Variants in PTPRQ observed in about 807,000 individuals in gnomAD.
The protein encoded by PTPRQ is protein tyrosine phosphatase receptor type Q.
In PTPRQ, 199 loss-of-function variants were observed where a neutral mutation model predicts 246.0. That is an observed-to-expected ratio of 0.81 (90% CI 0.72 to 0.91). The LOEUF is 0.91. Ranked by LOEUF, PTPRQ falls within the 40% of genes least tolerant of loss-of-function variation. The probability of loss-of-function intolerance (pLI) is 0.00; values close to 1 mark genes in which losing one functional copy is unlikely to be tolerated. For missense variants in PTPRQ, 2,624 were observed against 2,528.4 expected (o/e 1.04, Z -0.81); for synonymous variants, 869 against 853.2 (o/e 1.02, Z -0.32).
rs78918415 is a variant in PTPRQ at position 80,601,653 on chromosome 12, A to T, written c.4610-3406A>T. ...TACAGAGCTGGAAGTCAAATTTTTCAAATAACATTAATAATAAGGGAGCCT... is the reference window on the plus strand; with the variant it reads ...TACAGAGCTGGAAGTCAAATTTTTCTAATAACATTAATAATAAGGGAGCCT... On this transcript the variant is annotated intron_variant, in intron 26 of 44. Transcript: ENST00000644991. 4.7e-3 allele frequency among the ~76,000 whole-genome samples: 713 copies of T among 151,928 alleles called. 24 individuals carry two copies. In the East Asian group the frequency reaches 0.092, roughly 20 times the overall value.
At chr12:80,665,166 A>G (rs904702380) in intron 39 of PTPRQ, among the ~76,000 whole-genome samples, 2 of 152,008 alleles carry the variant, frequency 1.3e-5, no homozygotes, top group African/African-American at 4.8e-5. Context: ...TTACTGGTGC[A>G]AGTCCCAGAG....
intron 17 of PTPRQ, among the ~76,000 whole-genome samples, chr12:80,518,431 G>C (rs1895370312): frequency 6.6e-6 from 1 of 152,046 alleles, no homozygotes; most frequent in African/African-American, 2.4e-5. Context: ...CTATTCTGTG[G>C]GTTGTCTTTT....
rs761540036 is a variant in PTPRQ, at chr12:80,652,747, T to C, written c.6028T>C (p.Leu2010=). The C allele has an allele frequency of 1.6e-5, 24 of 1,495,456 alleles. No individual in the cohort carries two copies. Among genetic ancestry groups the C allele is most frequent in the Middle Eastern group, 1.7e-4 (1 of 5,876 alleles). 92.6% of individuals were successfully genotyped at this position (1,495,456 alleles called of 1,614,324 possible). A position where few individuals can be genotyped will look rare whatever the true frequency, so the allele number is the denominator to read the frequency against. ...NLKFQEEFSE[L]PKFLQDLSST... ...TTGTAATGACTTTATTTTACAGGAATTACCAAAATTTCTTCAGGATCTTTC... is the reference window on the plus strand; with the variant it reads ...TTGTAATGACTTTATTTTACAGGAACTACCAAAATTTCTTCAGGATCTTTC... Residue 2010 remains leucine, a synonymous_variant, in exon 38 of 45, where the codon TTA becomes CTA. Transcript: ENST00000644991.
intron 7 of PTPRQ, among the ~76,000 whole-genome samples, chr12:80,471,167 A>G (rs1893612495): frequency 1.3e-5 from 2 of 152,084 alleles, no homozygotes; most frequent in Admixed American, 6.6e-5. Context: ...AAGGAGGGAG[A>G]GAGAATAGTA....
intron 7 of PTPRQ, among the ~76,000 whole-genome samples, chr12:80,471,478 T>TTTTTTA (rs1893624653): frequency 2.5e-5 from 1 of 39,504 alleles, no homozygotes; most frequent in Admixed American, 2.4e-4. Flanking sequence ...TTTAGCATTT[T>TTTTTTA]TTTTTTTTTT....
intron 25 of PTPRQ, among the ~76,000 whole-genome samples, chr12:80,552,404 A>G (rs984308422): frequency 3.9e-5 from 6 of 151,934 alleles, no homozygotes; most frequent in South Asian, 2.1e-4. Context: ...ACAGGACAAC[A>G]TATCTGAAAT....
chr12:80,546,503 A>T (rs1896309303), intron 23 of PTPRQ, 53 bp from the exon 24 acceptor site: 1 of 1,489,046 alleles, frequency 6.7e-7, no homozygotes, highest in Non-Finnish European at 9.0e-7. Flanking sequence ...TATTCCATTG[A>T]TGAACAATTT....
At chr12:80,547,573 C>A (rs1250039223) in intron 24 of PTPRQ, among the ~76,000 whole-genome samples, 1 of 151,938 alleles carries the variant, frequency 6.6e-6, no homozygotes, top group Non-Finnish European at 1.5e-5. Flanking sequence ...GTAACAAATG[C>A]AAAATAAATA....
rs1894582760 is a variant in PTPRQ, at chr12:80,495,357, G to A, written c.1868G>A (p.Ser623Asn). Residue 623 changes from serine to asparagine, a missense_variant, in exon 12 of 45, where the codon AGC becomes AAC. Transcript: ENST00000644991. ...RAFQITTIDN[S>N]FLITGLKKYT... is the part of the protein sequence containing the mutation. The stretch of plus-strand genomic sequence containing the variant: ...TTCCAGATAACTACCATAGATAACA[G>A]CTTTCTCATAACAGGTAGAAAACAA... 8 of 1,512,388 alleles carry A rather than the reference G, an allele frequency of 5.3e-6. No individual in the cohort carries two copies. The East Asian group carries it at 9.9e-5, about 19-fold the overall frequency. The allele number at this position is 1,512,388 out of a possible 1,614,324, so 93.7% of individuals were successfully genotyped here. A position where few individuals can be genotyped will look rare whatever the true frequency, so the allele number is the denominator to read the frequency against.
intron 35 of PTPRQ, among the ~76,000 whole-genome samples, chr12:80,636,802 G>A (rs1340047301): frequency 6.6e-6 from 1 of 152,022 alleles, no homozygotes; most frequent in East Asian, 1.9e-4. Flanking sequence ...CACTCTTTTT[G>A]TTTATTATGT....
chr12:80,514,119 C>G (rs1895205497), intron 17 of PTPRQ, among the ~76,000 whole-genome samples: 1 of 152,128 alleles, frequency 6.6e-6, no homozygotes. Context: ...TTGGGACACT[C>G]CAGTGTGATG....
intron 43 of PTPRQ, among the ~76,000 whole-genome samples, chr12:80,674,096 G>A (rs1901059672): frequency 6.6e-6 from 1 of 152,076 alleles, no homozygotes; most frequent in African/African-American, 2.4e-5. Flanking sequence ...TTACTGATAA[G>A]TGCCAGAGCC....
intron 17 of PTPRQ, 69 bp downstream of exon 17, chr12:80,510,512 T>G (rs953938760): frequency 7.5e-7 from 1 of 1,340,716 alleles, no homozygotes; most frequent in East Asian, 2.8e-5. Flanking sequence ...GGAATGTAGC[T>G]TTTAGATTTC....
At chr12:80,468,647 T>C (rs1893522398) in intron 6 of PTPRQ, 63 bp from the exon 7 acceptor site, 1 of 1,419,794 alleles carries the variant, frequency 7.0e-7, no homozygotes. Flanking sequence ...ATTATGTGTA[T>C]TTAATAGGGT....
At chr12:80,444,649 A>C in intron 1 of PTPRQ, 92 bp from the exon 2 acceptor site, 1 of 897,118 alleles carries the variant, frequency 1.1e-6, no homozygotes, top group Non-Finnish European at 1.8e-6. Context: ...TATATAGTGA[A>C]GAGTTAATTT....
intron 25 of PTPRQ, among the ~76,000 whole-genome samples, chr12:80,558,153 C>CTTTTCTTTTCTTTTCTTTTCTT (rs1896712106): frequency 9.8e-6 from 1 of 101,912 alleles, no homozygotes; most frequent in Non-Finnish European, 1.8e-5. Context: ...CTTTTCTTTT[C>CTTTTCTTTTCTTTTCTTTTCTT]TTTTCTTTTC....
At chr12:80,521,649 G>A (rs10459212) in intron 17 of PTPRQ, among the ~76,000 whole-genome samples, 76,578 of 151,798 alleles carry the variant, frequency 0.5, 23,279 homozygotes, top group Non-Finnish European at 0.67. Flanking sequence ...TTTTTGTCAG[G>A]TTTGTCAAAG....
At chr12:80,580,166 TA>T (rs1255125051) in intron 25 of PTPRQ, among the ~76,000 whole-genome samples, 2 of 152,198 alleles carry the variant, frequency 1.3e-5, no homozygotes, top group African/African-American at 2.4e-5. Flanking sequence ...TACTGGTCAG[TA>T]AAAACTCTCA....
chr12:80,646,790 A>T (rs1358014911), intron 35 of PTPRQ, among the ~76,000 whole-genome samples: 1 of 152,204 alleles, frequency 6.6e-6, no homozygotes, highest in Non-Finnish European at 1.5e-5. Flanking sequence ...TTAAATGCAA[A>T]ATGAATTAAG....
Sources: allele counts gnomAD v4.1 joint callset (sites outside exome capture counted in the v4.1 genomes callset), GRCh38; gene constraint gnomAD v4.1.1; transcripts MANE v1.5; gene names NCBI Gene and HGNC (gene_info 2026-07-23, HGNC 2026-07-21).